Variants in ZNF816 observed in about 807,000 individuals in gnomAD.
ZNF816 encodes zinc finger protein 816.
A neutral mutation model predicts 8.3 loss-of-function variants in ZNF816; 11 were observed. The observed-to-expected ratio is 1.32, with a 90% CI of 0.83 to 2.19. The LOEUF (loss-of-function observed/expected upper bound fraction) is 2.19, where lower values mean the gene tolerates loss of function less well. Among genes scored for constraint, ZNF816 ranks in the 30% most tolerant of loss-of-function variants. ZNF816 has a pLI of 0.00. For synonymous variants in ZNF816, 255 were observed against 254.5 expected (o/e 1.00, Z -0.02); for missense variants, 710 against 779.3 (o/e 0.91, Z 1.06).
At chr19:52,962,440 C>A (rs1307791424) in intron 1 of ZNF816, among the ~76,000 whole-genome samples, 1 of 152,006 alleles carries the variant, frequency 6.6e-6, no homozygotes. Context: ...GGGAAAGAGC[C>A]CAGGAGTGGC....
chr19:52,949,941 GA>G lies in ZNF816; in HGVS notation c.1833del (p.Gln612ArgfsTer82). On this transcript the variant is annotated frameshift_variant, in exon 4 of 4. Coordinates refer to ENST00000444460, the MANE Select transcript of ZNF816 (RefSeq NM_001202457.3). LOFTEE classifies it low-confidence loss of function (END_TRUNC). ...VFNQKASLAK[H>X]QRVHTAEKPY... ...GGTTTCTCTGCAGTATGAACTCTCT[GA>G]TGTTTTGCAAGGCTTGCTTTTTGAT... 6.2e-7 allele frequency: 1 copy of G among 1,613,820 alleles called. No individual in the cohort carries two copies. The highest frequency in any genetic ancestry group is 1.7e-4 in the Middle Eastern group (1 of 6,056).
At position 52,954,527 on chromosome 19, in the gene ZNF816, A is replaced by G. The variant is rs1005493542; in HGVS notation, c.63+1500T>C. ...TTCAGAACTTGCAGGATAAAATATC[A>G]TAACAAACATTCATCAGACCGGGAG... is the stretch of plus-strand genomic sequence containing the variant. On this transcript the variant is annotated intron_variant, in intron 2 of 3. Transcript: ENST00000444460. Among the ~76,000 whole-genome samples, 4 of 152,298 alleles carry G rather than the reference A, an allele frequency of 2.6e-5. 1 individual carries two copies.
intron 1 of ZNF816, 86 bp from the exon 2 acceptor site, chr19:52,956,190 A>C: frequency 2.8e-6 from 4 of 1,443,460 alleles, no homozygotes; most frequent in Non-Finnish European, 3.7e-6. Flanking sequence ...GGGAAACCTC[A>C]CCCGAGAGAA....
intron 1 of ZNF816, among the ~76,000 whole-genome samples, chr19:52,961,543 C>T (rs1342039505): frequency 1.3e-5 from 2 of 152,144 alleles, no homozygotes; most frequent in South Asian, 4.1e-4. Flanking sequence ...GTCACTGTAA[C>T]CCACTAGAAC....
chr19:52,955,907 G>C, intron 2 of ZNF816, 120 bp downstream of exon 2: 1 of 1,298,134 alleles, frequency 7.7e-7, no homozygotes, highest in Non-Finnish European at 1.1e-6. Flanking sequence ...AAAAGACACG[G>C]GTGAGTGCGA....
In ZNF816 at chr19:52,960,916, C is replaced by T. The variant is rs115102058; in HGVS notation, c.-16+1811G>A. On this transcript the variant is annotated intron_variant, in intron 1 of 3. Coordinates refer to ENST00000444460, the MANE Select transcript of ZNF816 (RefSeq NM_001202457.3). Reference sequence around the variant, plus strand: ...CACACCCGGAAGCTGACTGGTCCTACGCACAGTGGAAGCATGAGGAAGCTC... The same window carrying T: ...CACACCCGGAAGCTGACTGGTCCTATGCACAGTGGAAGCATGAGGAAGCTC... 6.0e-3 allele frequency among the ~76,000 whole-genome samples: 914 copies of T among 152,320 alleles called. 3 individuals carry two copies. The highest frequency in any genetic ancestry group is 0.018 in the African/African-American group (729 of 41,560).
intron 3 of ZNF816, chr19:52,951,957 T>A: frequency 4.9e-6 from 2 of 406,656 alleles, no homozygotes; most frequent in Non-Finnish European, 8.6e-6. Context: ...GCCTGAATGA[T>A]GTCCTCCCTA....
chr19:52,953,482 TATA>T (rs2083478670), intron 2 of ZNF816: 2 of 126,690 alleles, frequency 1.6e-5, no homozygotes, highest in Non-Finnish European at 3.1e-5. Context: ...TATATAAATA[TATA>T]ATATATATTT....
chr19:52,955,686 A>C (rs1221421538), intron 2 of ZNF816, among the ~76,000 whole-genome samples: 2 of 152,216 alleles, frequency 1.3e-5, no homozygotes, highest in Non-Finnish European at 2.9e-5. Context: ...AGTTTCTCTG[A>C]TCTGGTCCAC....
At position 52,950,984 on chromosome 19, in the gene ZNF816, T is replaced by C. The variant is rs144095558; in HGVS notation, c.791A>G (p.Lys264Arg). The C allele has an allele frequency of 7.5e-5, 121 of 1,614,212 alleles. No homozygotes were observed. Among genetic ancestry groups the C allele is most frequent in the Non-Finnish European group, 9.6e-5 (113 of 1,180,038 alleles). Residue 264 changes from lysine to arginine, a missense_variant, in exon 4 of 4, where the codon AAG becomes AGG. Lys to Arg is a conservative substitution (Grantham distance 26, BLOSUM62 2). Transcript: ENST00000444460. ...EREYKCDVCG[K>R]IFNQKQYIVY... Reference sequence around the variant, plus strand: ...AATGTATTGCTTCTGATTAAAGATCTTGCCACATACATCACATTTATATTC... The same window carrying C: ...AATGTATTGCTTCTGATTAAAGATCCTGCCACATACATCACATTTATATTC...
At chr19:52,961,499 C>G (rs768442587) in intron 1 of ZNF816, among the ~76,000 whole-genome samples, 1 of 151,822 alleles carries the variant, frequency 6.6e-6, no homozygotes, top group African/African-American at 2.4e-5. Flanking sequence ...GGTTCACTTT[C>G]AAAAAAAAGA....
intron 1 of ZNF816, among the ~76,000 whole-genome samples, chr19:52,959,212 G>T (rs546983846): frequency 1.3e-5 from 2 of 152,342 alleles, no homozygotes; most frequent in East Asian, 3.9e-4. Flanking sequence ...ATGCTGTGGT[G>T]ACTTTAATGA....
intron 3 of ZNF816, chr19:52,951,825 G>T: frequency 2.1e-6 from 1 of 482,316 alleles, no homozygotes; most frequent in South Asian, 4.6e-5. Flanking sequence ...TTGAAGCCAG[G>T]AGGCAGAGGT....
Position 52,953,523 on chromosome 19 carries a change from T to A in ZNF816, c.64-646A>T, listed in dbSNP as rs1355330927. 7.6e-4 allele frequency: 34 copies of A among 44,950 alleles called. 1 individual carries two copies. The highest frequency in any genetic ancestry group is 5.3e-3 in the African/African-American group (11 of 2,068). The allele number at this position is 44,950 out of a possible 1,614,324, so 2.8% of individuals were successfully genotyped here. On this transcript the variant is annotated intron_variant, in intron 2 of 3. Coordinates refer to ENST00000444460, the MANE Select transcript of ZNF816 (RefSeq NM_001202457.3). ...ATATTTAATTATATATAATATATATTTATAATATATAATATATAATACAAT... is the reference window on the plus strand; with the variant it reads ...ATATTTAATTATATATAATATATATATATAATATATAATATATAATACAAT...
At chr19:52,959,043 T>C (rs2083534403) in intron 1 of ZNF816, among the ~76,000 whole-genome samples, 1 of 152,218 alleles carries the variant, frequency 6.6e-6, no homozygotes, top group Non-Finnish European at 1.5e-5. Context: ...ATCCAAACTG[T>C]GGGGCCCTGG....
rs1056104194 is a variant in ZNF816, at chr19:52,957,387, G to A, written c.-15-1283C>T. ...AGAAAGATACTTAGCCTGGCCATCCGAACTTGCAGTGTAACCAGTGTGCTT... is the reference window on the plus strand; with the variant it reads ...AGAAAGATACTTAGCCTGGCCATCCAAACTTGCAGTGTAACCAGTGTGCTT... On this transcript the variant is annotated intron_variant, in intron 1 of 3. Transcript: ENST00000444460. This position sits in a 1 kb window ranked among gnomAD's most constrained non-coding sequence, Gnocchi z 4.6. Among the ~76,000 whole-genome samples the A allele has an allele frequency of 6.6e-6, 1 of 152,132 alleles. No individual in the cohort carries two copies. The highest frequency in any genetic ancestry group is 1.5e-5 in the Non-Finnish European group (1 of 68,028).
intron 2 of ZNF816, among the ~76,000 whole-genome samples, chr19:52,954,057 A>AAAAAG (rs2083489024): frequency 1.3e-5 from 2 of 150,130 alleles, no homozygotes; most frequent in Non-Finnish European, 3.0e-5. Context: ...AAAAAAAAAA[A>AAAAAG]GGTATATATA....
intron 1 of ZNF816, among the ~76,000 whole-genome samples, chr19:52,960,881 C>T (rs1176817791): frequency 1.3e-5 from 2 of 152,212 alleles, no homozygotes; most frequent in Non-Finnish European, 2.9e-5. Flanking sequence ...ACGACAAGCC[C>T]TGCTCCAGTC....
rs2083522521 is a variant in ZNF816, at chr19:52,957,753, G to A, written c.-15-1649C>T. ...GACTTGTACTGTAGGAAGACATAAA[G>A]TGATTCACCAGTTCTTGTACATGCC... is the stretch of plus-strand genomic sequence containing the variant. On this transcript the variant is annotated intron_variant, in intron 1 of 3. Transcript: ENST00000444460. The surrounding 1 kb of genome is among the most constrained non-coding windows in gnomAD (Gnocchi z 4.6). Among the ~76,000 whole-genome samples the A allele has an allele frequency of 6.6e-6, 1 of 152,196 alleles. No individual in the cohort carries two copies.
Sources: allele counts gnomAD v4.1 joint callset (sites outside exome capture counted in the v4.1 genomes callset), GRCh38; gene constraint gnomAD v4.1.1; non-coding constraint Gnocchi (gnomAD v3.1); transcripts MANE v1.5; gene names NCBI Gene and HGNC (gene_info 2026-07-23, HGNC 2026-07-21).